The following MBOAT2 variants were observed in gnomAD, a reference collection of about 807,000 sequenced individuals.
MBOAT2 encodes membrane bound glycerophospholipid O-acyltransferase 2, also known as membrane-bound glycerophospholipid O-acyltransferase 2.
MBOAT2 carries 28 observed loss-of-function variants against 63.4 expected under a neutral mutation model. The observed-to-expected ratio is 0.44, with a 90% CI of 0.33 to 0.61. The LOEUF is 0.61. Among genes scored for constraint, MBOAT2 ranks in the 20% least tolerant of loss-of-function variants. The probability of loss-of-function intolerance (pLI) is 0.03; values close to 1 mark genes in which losing one functional copy is unlikely to be tolerated. For missense variants in MBOAT2, 470 were observed against 605.8 expected (o/e 0.78, Z 2.35); for synonymous variants, 211 against 215.6 (o/e 0.98, Z 0.19).
chr2:8,948,250 T>C (rs1668560970), intron 2 of MBOAT2, among the ~76,000 whole-genome samples: 1 of 152,222 alleles, frequency 6.6e-6, no homozygotes, highest in South Asian at 2.1e-4. Context: ...AATTGCTTCT[T>C]ATGGATGAGC....
chr2:8,907,550 G>A (rs1665423319), intron 4 of MBOAT2, among the ~76,000 whole-genome samples: 2 of 152,136 alleles, frequency 1.3e-5, no homozygotes, highest in South Asian at 4.1e-4. Context: ...ATGAGGTAAT[G>A]TTTTCCAGGA....
chr2:8,960,207 A>C (rs1669511846), intron 1 of MBOAT2, among the ~76,000 whole-genome samples: 1 of 152,164 alleles, frequency 6.6e-6, no homozygotes, highest in South Asian at 2.1e-4. Context: ...CATATTAACT[A>C]CTCACATCTA....
chr2:8,905,069 CA>C (rs1164612280), intron 4 of MBOAT2, among the ~76,000 whole-genome samples: 2 of 152,174 alleles, frequency 1.3e-5, no homozygotes, highest in Non-Finnish European at 2.9e-5. Context: ...AGAGAGATTT[CA>C]CACTGATTCC....
intron 3 of MBOAT2, among the ~76,000 whole-genome samples, chr2:8,932,478 G>A (rs1437580696): frequency 6.6e-6 from 1 of 152,132 alleles, no homozygotes; most frequent in African/African-American, 2.4e-5. Flanking sequence ...CTTTGAAAAA[G>A]TAAACCAAGA....
intron 3 of MBOAT2, among the ~76,000 whole-genome samples, chr2:8,916,515 T>C (rs1237919771): frequency 1.3e-5 from 2 of 152,128 alleles, no homozygotes; most frequent in Non-Finnish European, 2.9e-5. Flanking sequence ...AATTGCTAAT[T>C]CCCATGTAGC....
chr2:8,860,959 T>A (rs190439662), intron 11 of MBOAT2, 195 bp from the exon 12 acceptor site: 4 of 384,816 alleles, frequency 1.0e-5, no homozygotes, highest in Admixed American at 9.4e-5. Context: ...ACACACTGTG[T>A]ATAAAAGACA....
intron 3 of MBOAT2, among the ~76,000 whole-genome samples, chr2:8,915,063 C>T (rs1001335593): frequency 5.3e-5 from 8 of 150,542 alleles, no homozygotes; most frequent in African/African-American, 1.5e-4. Flanking sequence ...CTCAGCCTCC[C>T]GAGTAGCTGA....
At chr2:8,945,434 T>C (rs535139951) in intron 2 of MBOAT2, among the ~76,000 whole-genome samples, 2 of 152,308 alleles carry the variant, frequency 1.3e-5, no homozygotes, top group South Asian at 4.1e-4. Context: ...ATTAAAAGCG[T>C]TGATGGGGTT....
At chr2:8,898,171 T>C (rs1488894161) in intron 4 of MBOAT2, among the ~76,000 whole-genome samples, 1 of 152,200 alleles carries the variant, frequency 6.6e-6, no homozygotes, top group African/African-American at 2.4e-5. Flanking sequence ...AAGAGAAGTT[T>C]TGTCCTGTCG....
chr2:8,879,475 C>T lies in MBOAT2; in HGVS notation c.507-2262G>A, dbSNP rs79347617. 6.7e-3 allele frequency among the ~76,000 whole-genome samples: 1,019 copies of T among 152,300 alleles called. 18 individuals carry two copies. The highest frequency in any genetic ancestry group is 0.024 in the African/African-American group (978 of 41,558). On this transcript the variant is annotated intron_variant, in intron 6 of 12. Coordinates refer to ENST00000305997, the MANE Select transcript of MBOAT2 (RefSeq NM_138799.4). Reference sequence around the variant, plus strand: ...TTATTTATAAAATGAGAACTTAAGTCTAATTGTAATGTATAATATCAAACA... The same window carrying T: ...TTATTTATAAAATGAGAACTTAAGTTTAATTGTAATGTATAATATCAAACA...
At chr2:8,912,373 G>GAGAAAGAAAGAA (rs139345161) in intron 3 of MBOAT2, among the ~76,000 whole-genome samples, 1,580 of 84,330 alleles carry the variant, frequency 0.019, 74 homozygotes, top group South Asian at 0.024. Context: ...AAGAAAGAAA[G>GAGAAAGAAAGAA]AGAAAGAAAG....
At chr2:8,977,101 T>G (rs1023532047) in intron 1 of MBOAT2, among the ~76,000 whole-genome samples, 2 of 152,116 alleles carry the variant, frequency 1.3e-5, no homozygotes, top group Admixed American at 6.6e-5. Flanking sequence ...GTGTCAGATA[T>G]GTCTATCATC....
At chr2:8,896,470 T>C (rs954047638) in intron 4 of MBOAT2, among the ~76,000 whole-genome samples, 141 of 152,252 alleles carry the variant, frequency 9.3e-4, no homozygotes, top group Non-Finnish European at 1.7e-3. Context: ...AGAGTAAGGA[T>C]AGATTTCGTC....
At chr2:8,895,168 T>C (rs776668440) in intron 4 of MBOAT2, among the ~76,000 whole-genome samples, 3 of 152,252 alleles carry the variant, frequency 2.0e-5, no homozygotes, top group Non-Finnish European at 2.9e-5. Flanking sequence ...CACTGCTGGC[T>C]CACCTGGCCT....
At chr2:8,920,108 G>A (rs1666469956) in intron 3 of MBOAT2, among the ~76,000 whole-genome samples, 5 of 152,104 alleles carry the variant, frequency 3.3e-5, no homozygotes. Flanking sequence ...TCATATCTAA[G>A]AAGTCTTTGC....
chr2:8,968,361 C>T (rs537783234), intron 1 of MBOAT2, among the ~76,000 whole-genome samples: 7 of 152,278 alleles, frequency 4.6e-5, no homozygotes, highest in African/African-American at 1.7e-4. Context: ...AGGACATCCA[C>T]ACCAAAACCC....
intron 1 of MBOAT2, among the ~76,000 whole-genome samples, chr2:8,989,345 T>C (rs1380924831): frequency 6.6e-6 from 1 of 152,198 alleles, no homozygotes; most frequent in African/African-American, 2.4e-5. Flanking sequence ...GGTTCTATCA[T>C]TGGCTCAACA....
intron 1 of MBOAT2, among the ~76,000 whole-genome samples, chr2:8,996,726 C>T (rs749476937): frequency 4.6e-5 from 7 of 152,206 alleles, no homozygotes; most frequent in Non-Finnish European, 1.0e-4. Context: ...TCGGGAACTT[C>T]GCTATTCCTT....
At chr2:8,962,169 C>G (rs1434529219) in intron 1 of MBOAT2, among the ~76,000 whole-genome samples, 1 of 152,218 alleles carries the variant, frequency 6.6e-6, no homozygotes. Flanking sequence ...TTCACAATAA[C>G]CCTATGAGGA....
Sources: allele counts gnomAD v4.1 joint callset (sites outside exome capture counted in the v4.1 genomes callset), GRCh38; gene constraint gnomAD v4.1.1; transcripts MANE v1.5; gene names NCBI Gene and HGNC (gene_info 2026-07-23, HGNC 2026-07-21).